The following SHANK2 variants were observed in gnomAD, a reference collection of about 807,000 sequenced individuals.
SHANK2 encodes SH3 and multiple ankyrin repeat domains 2.
SHANK2 carries 43 observed loss-of-function variants against 133.7 expected under a neutral mutation model. That is an observed-to-expected ratio of 0.32 (90% confidence interval 0.25 to 0.41). SHANK2 has a LOEUF of 0.41. Ranked by LOEUF, SHANK2 falls within the 10% of genes least tolerant of loss-of-function variation. The pLI, the probability that SHANK2 is intolerant of heterozygous loss-of-function variation, is 1.00. For synonymous variants in SHANK2, 1,017 were observed against 952.8 expected (o/e 1.07, Z -1.24); for missense variants, 1,994 against 2,235.8 (o/e 0.89, Z 2.18).
At chr11:70,826,508 C>T (rs1555057239) in intron 11 of SHANK2, 1 of 471,148 alleles carries the variant, frequency 2.1e-6, no homozygotes, top group East Asian at 7.0e-5. Flanking sequence ...CTTCATTTTC[C>T]CTCTGACTTT....
rs190449090 is a variant in SHANK2 at position 70,677,731 on chromosome 11, G to A, written c.1854-16053C>T. The stretch of plus-strand genomic sequence containing the variant: ...CACCAGAAGCCCTGTTGAGGGCTCC[G>A]GAAGCCAGGCTCCCCCTGAGCCCGA... On this transcript the variant is annotated intron_variant, in intron 15 of 25. Coordinates refer to ENST00000601538, the MANE Select transcript of SHANK2 (RefSeq NM_012309.5). Among the ~76,000 whole-genome samples the A allele has an allele frequency of 1.1e-3, 172 of 152,224 alleles. 1 individual carries two copies. Among genetic ancestry groups the A allele is most frequent in the African/African-American group, 3.8e-3 (158 of 41,544 alleles).
intron 3 of SHANK2, among the ~76,000 whole-genome samples, chr11:71,145,924 C>T (rs1952634304): frequency 6.6e-6 from 1 of 152,208 alleles, no homozygotes; most frequent in African/African-American, 2.4e-5. Context: ...TGAGAAGGGT[C>T]CTCCCAGCCC....
chr11:71,116,627 C>T (rs1951984892), intron 4 of SHANK2, among the ~76,000 whole-genome samples: 1 of 152,244 alleles, frequency 6.6e-6, no homozygotes, highest in Non-Finnish European at 1.5e-5. Flanking sequence ...CCCTGTTACT[C>T]AAGGACTCAG....
chr11:70,711,636 T>C (rs1480087784), intron 14 of SHANK2, among the ~76,000 whole-genome samples: 5 of 152,058 alleles, frequency 3.3e-5, no homozygotes, highest in Admixed American at 3.3e-4. Context: ...CAGTCTCTGC[T>C]CTGGCAAGCT....
chr11:71,082,947 C>A (rs1173221242), intron 8 of SHANK2, among the ~76,000 whole-genome samples: 1,675 of 147,162 alleles, frequency 0.011, 36 homozygotes, highest in African/African-American at 0.04. Context: ...ACGCCCGCCC[C>A]CCCCCCAACC....
chr11:71,242,767 G>A (rs1226355426), intron 1 of SHANK2, among the ~76,000 whole-genome samples: 8 of 152,296 alleles, frequency 5.3e-5, no homozygotes, highest in Admixed American at 2.6e-4. Flanking sequence ...CACAAAAGAC[G>A]GCAGAATACT....
chr11:70,935,140 C>G (rs553848455), intron 10 of SHANK2, among the ~76,000 whole-genome samples: 1 of 152,334 alleles, frequency 6.6e-6, no homozygotes, highest in South Asian at 2.1e-4. Context: ...GTGTGCCATT[C>G]TGGGCAATGT....
At chr11:70,890,468 G>A (rs1460235235) in intron 11 of SHANK2, among the ~76,000 whole-genome samples, 2 of 147,726 alleles carry the variant, frequency 1.4e-5, no homozygotes, top group African/African-American at 5.0e-5. Context: ...GTGAAACCCT[G>A]TCTCTACTAA....
chr11:70,826,408 A>G (rs1213794618), intron 11 of SHANK2: 4 of 469,302 alleles, frequency 8.5e-6, no homozygotes, highest in Non-Finnish European at 1.8e-5. Context: ...CCCCACCCCG[A>G]GAATCAGCAA....
chr11:70,645,013 G>A (rs1025927425), intron 17 of SHANK2, among the ~76,000 whole-genome samples: 7 of 152,162 alleles, frequency 4.6e-5, no homozygotes, highest in African/African-American at 1.7e-4. Context: ...CCTGAGTTCA[G>A]GAGTTCGAGA....
chr11:71,171,058 C>A (rs553766801), intron 2 of SHANK2, among the ~76,000 whole-genome samples: 2 of 152,338 alleles, frequency 1.3e-5, no homozygotes, highest in Non-Finnish European at 2.9e-5. Flanking sequence ...AGACGGCCAA[C>A]TTCTAGCTGC....
At chr11:70,515,041 C>G (rs577828000) in intron 17 of SHANK2, among the ~76,000 whole-genome samples, 1 of 152,278 alleles carries the variant, frequency 6.6e-6, no homozygotes, top group African/African-American at 2.4e-5. Context: ...CTGTTAATAT[C>G]AGACAAAATA....
intron 8 of SHANK2, among the ~76,000 whole-genome samples, chr11:71,077,884 T>G (rs1356104738): frequency 6.6e-6 from 1 of 152,130 alleles, no homozygotes; most frequent in African/African-American, 2.4e-5. Flanking sequence ...TGGTGTTGGC[T>G]TGGAATGGGA....
intron 22 of SHANK2, among the ~76,000 whole-genome samples, chr11:70,490,707 AG>A (rs557672444): frequency 3.5e-4 from 54 of 152,304 alleles, no homozygotes; most frequent in African/African-American, 1.3e-3. Flanking sequence ...TCTCTCTGAG[AG>A]GGGGGCCAGG....
rs747582293 is a variant in SHANK2 at position 70,660,967 on chromosome 11, C to T, written c.1936+629G>A. On this transcript the variant is annotated intron_variant, in intron 16 of 25. Transcript: ENST00000601538. Reference sequence around the variant, plus strand: ...TTGTTTTCTTTTGGAGGGGAAGCTGCGCGTGCAGGGTGACTGGCAGGTGCA... The same window carrying T: ...TTGTTTTCTTTTGGAGGGGAAGCTGTGCGTGCAGGGTGACTGGCAGGTGCA... Among the ~76,000 whole-genome samples the T allele has an allele frequency of 2.2e-4, 33 of 152,234 alleles. 1 individual carries two copies. Among genetic ancestry groups the T allele is most frequent in the African/African-American group, 5.8e-4 (24 of 41,460 alleles).
intron 17 of SHANK2, among the ~76,000 whole-genome samples, chr11:70,512,220 A>C (rs2059213302): frequency 1.3e-5 from 2 of 152,240 alleles, no homozygotes; most frequent in South Asian, 4.1e-4. Context: ...AGCTGCCAGC[A>C]ATAATCTCCA....
intron 17 of SHANK2, among the ~76,000 whole-genome samples, chr11:70,581,426 C>G (rs1398289053): frequency 2.6e-5 from 4 of 152,170 alleles, no homozygotes; most frequent in African/African-American, 7.2e-5. Flanking sequence ...TACAGTGGCT[C>G]ATGCCTGTAA....
At chr11:70,796,820 A>G (rs1947924641) in intron 14 of SHANK2, among the ~76,000 whole-genome samples, 1 of 152,240 alleles carries the variant, frequency 6.6e-6, no homozygotes, top group Admixed American at 6.5e-5. Flanking sequence ...AGTGGGATCC[A>G]AGATGGCAGC....
chr11:71,239,556 G>A (rs1954863501), intron 1 of SHANK2, among the ~76,000 whole-genome samples: 1 of 152,076 alleles, frequency 6.6e-6, no homozygotes, highest in Admixed American at 6.5e-5. Context: ...ACCTTTCCAG[G>A]CTCAGGTGAT....
Sources: allele counts gnomAD v4.1 joint callset (sites outside exome capture counted in the v4.1 genomes callset), GRCh38; gene constraint gnomAD v4.1.1; transcripts MANE v1.5; gene names NCBI Gene and HGNC (gene_info 2026-07-23, HGNC 2026-07-21).